Variants in RBFOX1 observed in about 807,000 individuals in gnomAD.
RBFOX1 encodes the protein RNA binding protein fox-1 homolog 1.
Under a neutral mutation model 57.7 loss-of-function variants are expected in RBFOX1, and 8 were observed. That is an observed-to-expected ratio of 0.14 (90% CI 0.08 to 0.25). The LOEUF is 0.25. Ranked by LOEUF, RBFOX1 falls within the 10% of genes least tolerant of loss-of-function variation. The pLI is 1.00. For synonymous variants in RBFOX1, 326 were observed against 222.4 expected, an observed-to-expected ratio of 1.47 and a Z score of -4.15; for missense variants, 611 against 548.5, an observed-to-expected ratio of 1.11 and a Z score of -1.14.
chr16:7,238,129 T>G (rs2093867729), intron 4 of RBFOX1, among the ~76,000 whole-genome samples: 1 of 152,160 alleles, frequency 6.6e-6, no homozygotes, highest in African/African-American at 2.4e-5. Context: ...GAGGTGCCCA[T>G]AGTTGTCAAA....
At chr16:6,471,255 C>G (rs2153080371) in intron 2 of RBFOX1, among the ~76,000 whole-genome samples, 1 of 152,298 alleles carries the variant, frequency 6.6e-6, no homozygotes, top group African/African-American at 2.4e-5. Context: ...CTTGGAGATC[C>G]AACTCAAGCA....
chr16:6,381,353 C>G (rs891271636), intron 2 of RBFOX1, among the ~76,000 whole-genome samples: 1 of 152,072 alleles, frequency 6.6e-6, no homozygotes, highest in African/African-American at 2.4e-5. Context: ...TTTGCGATCT[C>G]CAGTGTCTAT....
chr16:7,677,305 C>G (rs1370280672), intron 14 of RBFOX1, among the ~76,000 whole-genome samples: 12 of 152,162 alleles, frequency 7.9e-5, no homozygotes, highest in Admixed American at 4.6e-4. Flanking sequence ...AAATCATTCC[C>G]TCCATTGCAT....
chr16:6,440,283 G>A (rs7204633), intron 2 of RBFOX1, among the ~76,000 whole-genome samples: 5,469 of 152,098 alleles, frequency 0.036, 349 homozygotes, highest in African/African-American at 0.13. Flanking sequence ...TGTGGTACAT[G>A]GCATGAAATA....
chr16:7,652,995 G>A (rs149931860), intron 11 of RBFOX1, among the ~76,000 whole-genome samples: 1,883 of 152,314 alleles, frequency 0.012, 20 homozygotes, highest in Middle Eastern at 0.024. Context: ...CGGCCCCAGA[G>A]ATTGCTAGCA....
At position 6,865,783 on chromosome 16, in the gene RBFOX1, G is replaced by C. The variant is rs188386717; in HGVS notation, c.-15-186274G>C. Among the ~76,000 whole-genome samples the C allele has an allele frequency of 1.9e-4, 29 of 151,962 alleles. No individual in the cohort carries two copies. The East Asian group carries it at 4.4e-3, about 23-fold the overall frequency. On this transcript the variant is annotated intron_variant, in intron 3 of 15. Transcript: ENST00000550418. ...GTTGTTATTTTTTCCTGCTTTATTT[G>C]TAAGCAGTATTAGATAACAGTTGCA...
intron 2 of RBFOX1, among the ~76,000 whole-genome samples, chr16:5,504,820 G>A (rs898134363): frequency 1.3e-5 from 2 of 152,196 alleles, no homozygotes; most frequent in Admixed American, 6.5e-5. Context: ...GAGCGGTGAC[G>A]TTGGAGCTGG....
At chr16:6,920,396 C>A (rs1226640407) in intron 3 of RBFOX1, among the ~76,000 whole-genome samples, 1 of 152,144 alleles carries the variant, frequency 6.6e-6, no homozygotes, top group Non-Finnish European at 1.5e-5. Flanking sequence ...AGAGTCCTTT[C>A]TACTGTTTCT....
At chr16:7,502,266 C>G (rs1311866081) in intron 4 of RBFOX1, among the ~76,000 whole-genome samples, 1 of 151,712 alleles carries the variant, frequency 6.6e-6, no homozygotes, top group Non-Finnish European at 1.5e-5. Context: ...CACCTGATTA[C>G]TATGTGCGGA....
At chr16:5,637,046 T>C (rs1289851700) in intron 3 of RBFOX1, among the ~76,000 whole-genome samples, 1 of 152,206 alleles carries the variant, frequency 6.6e-6, no homozygotes, top group Non-Finnish European at 1.5e-5. Flanking sequence ...CTAATCATAA[T>C]GCAATATCAG....
At chr16:7,531,604 G>A (rs1348976701) in intron 5 of RBFOX1, among the ~76,000 whole-genome samples, 1 of 152,154 alleles carries the variant, frequency 6.6e-6, no homozygotes, top group Non-Finnish European at 1.5e-5. Context: ...GCACTATGTT[G>A]TGTATTTCAT....
intron 4 of RBFOX1, among the ~76,000 whole-genome samples, chr16:7,470,116 C>T (rs2061299164): frequency 6.6e-6 from 1 of 151,242 alleles, no homozygotes; most frequent in Non-Finnish European, 1.5e-5. Flanking sequence ...AGGTTGTTTA[C>T]ACTTTTTGAT....
At chr16:5,894,238 G>A (rs2152156251) in intron 4 of RBFOX1, among the ~76,000 whole-genome samples, 1 of 152,208 alleles carries the variant, frequency 6.6e-6, no homozygotes, top group Middle Eastern at 3.4e-3. Context: ...AAATTGAGGT[G>A]GACTCGTAGA....
intron 2 of RBFOX1, among the ~76,000 whole-genome samples, chr16:6,362,182 C>G (rs2088679236): frequency 6.6e-6 from 1 of 152,006 alleles, no homozygotes; most frequent in South Asian, 2.1e-4. Context: ...CCCCACGCCC[C>G]CCCAAAAAAC....
rs573835719 is a variant in RBFOX1, at chr16:5,497,238, T to G, written c.258+29984T>G. ...AAATTTACTTTGCTATTATTATCTT[T>G]GAAATCCTTTGGGATATTTTTTTTT... On this transcript the variant is annotated intron_variant, in intron 2 of 2. Coordinates refer to the RBFOX1 transcript ENST00000585867. Among the ~76,000 whole-genome samples, 3 of 152,246 alleles carry G rather than the reference T, an allele frequency of 2.0e-5. No homozygotes were observed. The East Asian group carries it at 5.8e-4, about 29-fold the overall frequency.
chr16:5,344,566 C>T (rs969332255), intron 1 of RBFOX1, among the ~76,000 whole-genome samples: 12 of 152,120 alleles, frequency 7.9e-5, no homozygotes, highest in African/African-American at 2.9e-4. Flanking sequence ...AGATTCCATA[C>T]CCAAAAGGCC....
chr16:7,697,563 T>G lies in RBFOX1; in HGVS notation c.996-11493T>G, dbSNP rs1217701358. 9.9e-5 allele frequency among the ~76,000 whole-genome samples: 15 copies of G among 152,154 alleles called. No homozygotes were observed. In the East Asian group the frequency reaches 2.9e-3, roughly 29 times the overall value. On this transcript the variant is annotated intron_variant, in intron 14 of 15. Transcript: ENST00000550418. ...ATGCATATGTATGATAAACTATATATGCATGTATATATGTATCACAGTAGT... is the reference window on the plus strand; with the variant it reads ...ATGCATATGTATGATAAACTATATAGGCATGTATATATGTATCACAGTAGT...
chr16:7,592,305 A>G (rs559895655), intron 7 of RBFOX1, among the ~76,000 whole-genome samples: 52 of 152,238 alleles, frequency 3.4e-4, no homozygotes, highest in Non-Finnish European at 6.2e-4. Context: ...TTTTTAGTTC[A>G]TGCCCCTTCC....
intron 1 of RBFOX1, among the ~76,000 whole-genome samples, chr16:6,261,055 G>A (rs79402537): frequency 0.025 from 3,854 of 152,222 alleles, 110 homozygotes; most frequent in African/African-American, 0.069. Context: ...TCATCAACTT[G>A]TATAACTTGC....
Sources: allele counts gnomAD v4.1 joint callset (sites outside exome capture counted in the v4.1 genomes callset), GRCh38; gene constraint gnomAD v4.1.1; transcripts MANE v1.5; gene names NCBI Gene and HGNC (gene_info 2026-07-23, HGNC 2026-07-21).